The following ZNF595 variants were observed in gnomAD, a reference collection of about 807,000 sequenced individuals.
ZNF595 encodes zinc finger protein 595.
Under a neutral mutation model 19.4 loss-of-function variants are expected in ZNF595, and 9 were observed. That is an observed-to-expected ratio of 0.46 (90% confidence interval 0.28 to 0.81). ZNF595 has a LOEUF of 0.81. Among genes scored for constraint, ZNF595 ranks in the 30% least tolerant of loss-of-function variants. The pLI is 0.11. For synonymous variants in ZNF595, 255 were observed against 255.9 expected (o/e 1.00, Z 0.03); for missense variants, 729 against 736.0 (o/e 0.99, Z 0.11).
At position 87,263 on chromosome 4, in the gene ZNF595, A is replaced by G; in HGVS notation, c.1759A>G (p.Thr587Ala). The G allele has an allele frequency of 6.2e-7, 1 of 1,611,794 alleles. No homozygotes were observed. Among genetic ancestry groups the G allele is most frequent in the South Asian group, 1.1e-5 (1 of 90,900 alleles). ...STLTKHKRIH[T>A]GEKPFTCEEC... Reference sequence around the variant, plus strand: ...CCTTACTAAACATAAGAGAATTCATACTGGAGAGAAACCCTTCACATGTGA... The same window carrying G: ...CCTTACTAAACATAAGAGAATTCATGCTGGAGAGAAACCCTTCACATGTGA... The change falls in exon 4 of 4, where the codon ACT becomes GCT. Residue 587 changes from threonine to alanine, a missense_variant. Coordinates refer to ENST00000610261, the MANE Select transcript of ZNF595 (RefSeq NM_182524.4).
chr4:76,697 GTT>G (rs1713674556), intron 3 of ZNF595, among the ~76,000 whole-genome samples: 1 of 152,076 alleles, frequency 6.6e-6, no homozygotes, highest in Admixed American at 6.5e-5. Context: ...CTAAAGAACA[GTT>G]TTGTCAGGTA....
At chr4:78,072 G>T (rs565996765) in intron 3 of ZNF595, among the ~76,000 whole-genome samples, 10 of 152,138 alleles carry the variant, frequency 6.6e-5, no homozygotes, top group African/African-American at 2.4e-4. Flanking sequence ...GCAGTGGCGC[G>T]ATCTCGGCTC....
At chr4:75,796 TG>T (rs1219116243) in intron 3 of ZNF595, among the ~76,000 whole-genome samples, 1 of 151,554 alleles carries the variant, frequency 6.6e-6, no homozygotes, top group Non-Finnish European at 1.5e-5. Context: ...TACAGATTTT[TG>T]GGGGGTTTTT....
intron 3 of ZNF595, among the ~76,000 whole-genome samples, chr4:77,183 G>A (rs1337358634): frequency 6.8e-6 from 1 of 147,950 alleles, no homozygotes; most frequent in African/African-American, 2.5e-5. Flanking sequence ...TTTTAACTTT[G>A]CTGACTTTTT....
chr4:74,117 G>C (rs1713545730), intron 3 of ZNF595, among the ~76,000 whole-genome samples: 1 of 152,032 alleles, frequency 6.6e-6, no homozygotes, highest in African/African-American at 2.4e-5. Context: ...ACACCAGCCT[G>C]GGCAATATGG....
chr4:86,169 AT>A lies in ZNF595; in HGVS notation c.666del (p.His222GlnfsTer22). 1 of 1,613,946 alleles carries A rather than the reference AT, an allele frequency of 6.2e-7. No individual in the cohort carries two copies. Among genetic ancestry groups the A allele is most frequent in the South Asian group, 1.1e-5 (1 of 91,074 alleles). ...TCACTTAGTAAACATAAGAGAATTC[AT>A]ACTGGAGAGAAACCCTACACATGTG... ...STSLSKHKRIHTGEKPYTCEE... is the reference protein window; with the variant it reads ...STSLSKHKRIXTGEKPYTCEE... On this transcript the variant is annotated frameshift_variant, in exon 4 of 4. Coordinates refer to ENST00000610261, the MANE Select transcript of ZNF595 (RefSeq NM_182524.4). LOFTEE classifies it low-confidence loss of function (END_TRUNC).
At chr4:79,675 G>GTTTTTTT (rs202205324) in intron 3 of ZNF595, among the ~76,000 whole-genome samples, 56 of 127,472 alleles carry the variant, frequency 4.4e-4, no homozygotes, top group South Asian at 7.4e-4. Context: ...CAGCTTTGTT[G>GTTTTTTT]TTTTTTTTTT....
intron 3 of ZNF595, among the ~76,000 whole-genome samples, chr4:82,253 C>T (rs1170249253): frequency 1.3e-5 from 2 of 151,460 alleles, no homozygotes; most frequent in Non-Finnish European, 2.9e-5. Context: ...ACAGAGATTG[C>T]ATTTAATCTG....
intron 3 of ZNF595, among the ~76,000 whole-genome samples, chr4:75,913 A>G (rs1484381669): frequency 6.6e-6 from 1 of 151,960 alleles, no homozygotes; most frequent in Non-Finnish European, 1.5e-5. Flanking sequence ...TTATACAGAT[A>G]GGGTCTTGCT....
At position 79,672 on chromosome 4, in the gene ZNF595, G is replaced by GT. The variant is rs1176237427; in HGVS notation, c.227-6057dup. Among the ~76,000 whole-genome samples the GT allele has an allele frequency of 6.7e-4, 86 of 128,022 alleles. 1 individual carries two copies. Among genetic ancestry groups the GT allele is most frequent in the African/African-American group, 2.3e-3 (82 of 35,644 alleles). 84.0% of individuals were successfully genotyped at this position (128,022 alleles called of 152,430 possible). A position where few individuals can be genotyped will look rare whatever the true frequency, so the allele number is the denominator to read the frequency against. On this transcript the variant is annotated intron_variant, in intron 3 of 3. Coordinates refer to ENST00000610261, the MANE Select transcript of ZNF595 (RefSeq NM_182524.4). ...CAGGTAGTGCAGTATCTCCAGCTTT[G>GT]TTGTTTTTTTTTTTTTTCTTTTCTT...
Position 87,145 on chromosome 4 carries a change from G to T in ZNF595, c.1641G>T (p.Arg547=). 2 of 1,613,856 alleles carry T rather than the reference G, an allele frequency of 1.2e-6. No individual in the cohort carries two copies. The highest frequency in any genetic ancestry group is 1.7e-6 in the Non-Finnish European group (2 of 1,179,920). The change falls in exon 4 of 4, where the codon CGG becomes CGT. Residue 547 remains arginine (R), a synonymous_variant. Coordinates refer to ENST00000610261, the MANE Select transcript of ZNF595 (RefSeq NM_182524.4). ...AAGAATGTGGCAAAGCCTTTACTCG[G>T]TCCACAGCCCTGAATGAACATAAGA... ...KCEECGKAFT[R]STALNEHKKI...
chr4:82,510 G>T (rs984886810), intron 3 of ZNF595, among the ~76,000 whole-genome samples: 1 of 150,212 alleles, frequency 6.7e-6, no homozygotes, highest in African/African-American at 2.4e-5. Context: ...TCAGCCTGTC[G>T]AGTAGCTGGG....
rs1056086482 is a variant in ZNF595 at position 86,159 on chromosome 4, A to G, written c.655A>G (p.Lys219Glu). ...TAGGTCCACATCACTTAGTAAACAT[A>G]AGAGAATTCATACTGGAGAGAAACC... ...FNRSTSLSKH[K>E]RIHTGEKPYT... The change falls in exon 4 of 4, where the codon AAG (lysine) becomes GAG (glutamate). Residue 219 changes from lysine (K) to glutamate (E), a missense_variant. Lys to Glu is a moderately conservative substitution (Grantham distance 56). Transcript: ENST00000610261. 6.2e-7 allele frequency: 1 copy of G among 1,613,806 alleles called. No individual in the cohort carries two copies. Among genetic ancestry groups the G allele is most frequent in the Non-Finnish European group, 8.5e-7 (1 of 1,179,892 alleles).
intron 3 of ZNF595, among the ~76,000 whole-genome samples, chr4:75,652 T>A (rs1441012956): frequency 1.3e-5 from 2 of 152,210 alleles, no homozygotes; most frequent in African/African-American, 4.8e-5. Flanking sequence ...ATTACTGCCA[T>A]TTTGTTCATT....
At chr4:82,387 T>G (rs1400595502) in intron 3 of ZNF595, among the ~76,000 whole-genome samples, 3 of 117,126 alleles carry the variant, frequency 2.6e-5, no homozygotes, top group African/African-American at 3.7e-5. Context: ...TTTTTTTTTT[T>G]TTTTTTTTTT....
chr4:84,734 C>T (rs1177198469), intron 3 of ZNF595, among the ~76,000 whole-genome samples: 1 of 152,072 alleles, frequency 6.6e-6, no homozygotes, highest in Non-Finnish European at 1.5e-5. Context: ...ACTTTTGGAA[C>T]TTTCTCACTC....
At chr4:84,880 A>C (rs1714069221) in intron 3 of ZNF595, among the ~76,000 whole-genome samples, 1 of 152,144 alleles carries the variant, frequency 6.6e-6, no homozygotes, top group South Asian at 2.1e-4. Context: ...TTAATTTTTT[A>C]AAATTTCTAC....
intron 3 of ZNF595, among the ~76,000 whole-genome samples, chr4:82,371 GGTTTTTTTTT>G (rs1391552756): frequency 3.3e-4 from 32 of 97,712 alleles, no homozygotes; most frequent in African/African-American, 1.1e-3. Flanking sequence ...TTTGGTTTGT[GGTTTTTTTTT>G]TTTTTTTTTT....
chr4:70,903 T>C (rs1427861724), intron 3 of ZNF595, among the ~76,000 whole-genome samples: 1 of 152,246 alleles, frequency 6.6e-6, no homozygotes, highest in Non-Finnish European at 1.5e-5. Context: ...GATCTTTTGA[T>C]AGGGATTGCA....
Sources: gnomAD v4.1 joint callset for allele counts (sites outside exome capture counted in the v4.1 genomes callset) on GRCh38, gnomAD v4.1.1 for gene constraint, MANE v1.5 for transcripts, NCBI Gene and HGNC (gene_info 2026-07-23, HGNC 2026-07-21) for gene names.